The following MAGI2 variants were observed in gnomAD, a reference collection of about 807,000 sequenced individuals.
MAGI2 encodes the protein membrane associated guanylate kinase, WW and PDZ domain containing 2.
Under a neutral mutation model 133.3 loss-of-function variants are expected in MAGI2, and 35 were observed. The ratio of observed to expected loss-of-function variants is 0.26; its 90% CI spans 0.20 to 0.35. MAGI2 has a LOEUF of 0.35. MAGI2 is among the 10% of genes least tolerant of loss of function. The probability of loss-of-function intolerance (pLI) is 1.00; values close to 1 mark genes in which losing one functional copy is unlikely to be tolerated. For synonymous variants in MAGI2, 729 were observed against 710.6 expected (o/e 1.03, Z -0.41); for missense variants, 1,636 against 1,863.4 (o/e 0.88, Z 2.25).
chr7:79,229,158 A>G (rs1247712962), intron 1 of MAGI2, among the ~76,000 whole-genome samples: 1 of 151,956 alleles, frequency 6.6e-6, no homozygotes, highest in Non-Finnish European at 1.5e-5. Context: ...AAAAACAACA[A>G]CATAAGACAG....
At chr7:78,385,919 T>C (rs1008651190) in intron 6 of MAGI2, among the ~76,000 whole-genome samples, 24 of 152,186 alleles carry the variant, frequency 1.6e-4, no homozygotes, top group Admixed American at 1.2e-3. Context: ...ACTTCAAATA[T>C]GGTCTTTTGC....
chr7:78,816,080 A>T (rs1789551983), intron 2 of MAGI2, among the ~76,000 whole-genome samples: 1 of 152,244 alleles, frequency 6.6e-6, no homozygotes, highest in Non-Finnish European at 1.5e-5. Context: ...GAGTGAACAC[A>T]GAAGTGATAA....
intron 10 of MAGI2, among the ~76,000 whole-genome samples, chr7:78,245,951 G>C (rs1018815626): frequency 6.6e-6 from 1 of 152,142 alleles, no homozygotes; most frequent in African/African-American, 2.4e-5. Flanking sequence ...ACCCTCCCAT[G>C]CCTAAGGGCT....
At chr7:78,602,751 A>G (rs758347120) in intron 3 of MAGI2, among the ~76,000 whole-genome samples, 1 of 152,218 alleles carries the variant, frequency 6.6e-6, no homozygotes, top group Admixed American at 6.5e-5. Context: ...AATGCTTTTA[A>G]TGCTTATTAT....
intron 1 of MAGI2, among the ~76,000 whole-genome samples, chr7:79,452,111 C>T (rs895508238): frequency 2.6e-5 from 4 of 152,142 alleles, no homozygotes; most frequent in African/African-American, 9.7e-5. Flanking sequence ...TTTCATCCAG[C>T]TCCTCCCCCA....
chr7:78,601,970 T>C (rs2150880589), intron 3 of MAGI2, among the ~76,000 whole-genome samples: 1 of 152,286 alleles, frequency 6.6e-6, no homozygotes, highest in Admixed American at 6.5e-5. Context: ...CTATTAGGTT[T>C]GAACATGAGG....
intron 9 of MAGI2, among the ~76,000 whole-genome samples, chr7:78,294,926 T>G (rs1797079721): frequency 6.6e-6 from 1 of 152,156 alleles, no homozygotes; most frequent in East Asian, 1.9e-4. Flanking sequence ...TAGAATAACA[T>G]TGCTGCATGA....
chr7:79,003,860 T>G (rs1393179718), intron 2 of MAGI2, among the ~76,000 whole-genome samples: 1 of 152,126 alleles, frequency 6.6e-6, no homozygotes, highest in Non-Finnish European at 1.5e-5. Flanking sequence ...ATGTTCAACA[T>G]CCCTAATCCC....
intron 6 of MAGI2, among the ~76,000 whole-genome samples, chr7:78,479,909 T>G (rs549263898): frequency 6.6e-6 from 1 of 151,932 alleles, no homozygotes; most frequent in East Asian, 1.9e-4. Context: ...ATGGAAGTTA[T>G]GAAAAAGTAC....
intron 6 of MAGI2, among the ~76,000 whole-genome samples, chr7:78,402,960 G>T (rs969531316): frequency 2.0e-5 from 3 of 151,966 alleles, no homozygotes; most frequent in Non-Finnish European, 2.9e-5. Flanking sequence ...TTCTTATTAA[G>T]TCTTTTTCTA....
chr7:79,334,355 G>A (rs2129093651), intron 1 of MAGI2, among the ~76,000 whole-genome samples: 1 of 152,182 alleles, frequency 6.6e-6, no homozygotes, highest in Middle Eastern at 3.4e-3. Flanking sequence ...TTAGTTCTCA[G>A]GTTGAGAAAT....
At chr7:78,430,968 C>A (rs756093677) in intron 6 of MAGI2, among the ~76,000 whole-genome samples, 1 of 152,016 alleles carries the variant, frequency 6.6e-6, no homozygotes, top group Non-Finnish European at 1.5e-5. Context: ...CAATTTTGCA[C>A]AGGTTTGCCT....
chr7:78,552,276 T>C (rs1283487311), intron 3 of MAGI2, among the ~76,000 whole-genome samples: 1 of 144,112 alleles, frequency 6.9e-6, no homozygotes, highest in Non-Finnish European at 1.5e-5. Context: ...CTCCACCTCC[T>C]GGGTTCAAGC....
intron 21 of MAGI2, among the ~76,000 whole-genome samples, chr7:78,050,382 A>G (rs1364970082): frequency 1.3e-5 from 2 of 152,214 alleles, no homozygotes; most frequent in Admixed American, 6.5e-5. Flanking sequence ...AGGCTCTTCA[A>G]ATTAAGTCAG....
At chr7:78,398,037 T>C (rs749589035) in intron 6 of MAGI2, among the ~76,000 whole-genome samples, 45 of 152,076 alleles carry the variant, frequency 3.0e-4, no homozygotes, top group Non-Finnish European at 5.6e-4. Context: ...AAGGGAGGCA[T>C]AAATCCTTCA....
chr7:79,136,003 G>GAAAGAAAGAAAGAAAA (rs749343638), intron 1 of MAGI2, among the ~76,000 whole-genome samples: 1 of 40,890 alleles, frequency 2.4e-5, no homozygotes, highest in Admixed American at 2.9e-4. Flanking sequence ...AAGAAAGAAA[G>GAAAGAAAGAAAGAAAA]AGAAAGAAAG....
intron 1 of MAGI2, among the ~76,000 whole-genome samples, chr7:79,032,241 G>GCACGGTGGTTCACGCCTGTAATCC (rs1562810546): frequency 1.3e-5 from 2 of 152,100 alleles, no homozygotes; most frequent in Admixed American, 6.6e-5. Flanking sequence ...CAGGGGCCAG[G>GCACGGTGGTTCACGCCTGTAATCC]CACGGTGGTT....
intron 1 of MAGI2, among the ~76,000 whole-genome samples, chr7:79,167,113 CCTT>C (rs2129548209): frequency 6.6e-6 from 1 of 152,016 alleles, no homozygotes; most frequent in Admixed American, 6.6e-5. Flanking sequence ...CAATTTAATA[CCTT>C]ACTATACATG....
intron 16 of MAGI2, among the ~76,000 whole-genome samples, chr7:78,152,231 A>G (rs1201120770): frequency 6.6e-6 from 1 of 152,212 alleles, no homozygotes; most frequent in African/African-American, 2.4e-5. Context: ...AGAAACCTTC[A>G]TACAAAATAT....
Sources: allele counts gnomAD v4.1 joint callset (sites outside exome capture counted in the v4.1 genomes callset), GRCh38; gene constraint gnomAD v4.1.1; transcripts MANE v1.5; gene names NCBI Gene and HGNC (gene_info 2026-07-23, HGNC 2026-07-21).